Variants in VAT1L observed in about 807,000 individuals in gnomAD.
VAT1L encodes the protein vesicle amine transport 1 like.
In VAT1L, 34 loss-of-function variants were observed where a neutral mutation model predicts 44.1. The ratio of observed to expected loss-of-function variants is 0.77; its 90% CI spans 0.59 to 1.03. The LOEUF (loss-of-function observed/expected upper bound fraction) is 1.03, where lower values mean the gene tolerates loss of function less well. VAT1L is among the 50% of genes least tolerant of loss of function. The pLI is 0.00. For synonymous variants in VAT1L, 253 were observed against 202.2 expected (o/e 1.25, Z -2.13); for missense variants, 615 against 538.8 (o/e 1.14, Z -1.40).
intron 3 of VAT1L, among the ~76,000 whole-genome samples, chr16:77,833,477 G>GTGGT (rs1316267262): frequency 1.3e-5 from 2 of 152,236 alleles, no homozygotes; most frequent in African/African-American, 4.8e-5. Context: ...AGTGGGCTGG[G>GTGGT]CGTGGTGGCT....
At chr16:77,794,035 G>A (rs189413833) in intron 1 of VAT1L, among the ~76,000 whole-genome samples, 166 of 152,302 alleles carry the variant, frequency 1.1e-3, no homozygotes, top group African/African-American at 3.7e-3. Flanking sequence ...ACTGCTAAGT[G>A]GAAGAGCCAT....
At chr16:77,865,326 G>T in intron 4 of VAT1L, among the ~76,000 whole-genome samples, 1 of 152,042 alleles carries the variant, frequency 6.6e-6, no homozygotes, top group Non-Finnish European at 1.5e-5. Context: ...ATGAACTATC[G>T]TTGTCCCTTC....
At chr16:77,954,275 C>T (rs1597119231) in intron 7 of VAT1L, among the ~76,000 whole-genome samples, 1 of 152,176 alleles carries the variant, frequency 6.6e-6, no homozygotes, top group East Asian at 1.9e-4. Flanking sequence ...CTGCTGCTTT[C>T]CAGCATGCCA....
intron 1 of VAT1L, among the ~76,000 whole-genome samples, chr16:77,802,475 T>C (rs559489355): frequency 6.6e-6 from 1 of 151,940 alleles, no homozygotes; most frequent in African/African-American, 2.4e-5. Context: ...ATTAGCCAGG[T>C]GTGGTGGCAG....
intron 7 of VAT1L, among the ~76,000 whole-genome samples, chr16:77,904,892 C>G (rs1439841335): frequency 6.6e-6 from 1 of 152,118 alleles, no homozygotes; most frequent in African/African-American, 2.4e-5. Context: ...AAGCCTACTT[C>G]TCTTCATTTA....
intron 7 of VAT1L, among the ~76,000 whole-genome samples, chr16:77,890,578 G>A (rs2017254118): frequency 6.6e-6 from 1 of 152,136 alleles, no homozygotes; most frequent in Admixed American, 6.5e-5. Flanking sequence ...CCACTTCATA[G>A]TACACAGAGG....
intron 7 of VAT1L, among the ~76,000 whole-genome samples, chr16:77,926,946 T>G (rs186415702): frequency 6.6e-6 from 1 of 152,272 alleles, no homozygotes; most frequent in Non-Finnish European, 1.5e-5. Context: ...CTCCAGATTG[T>G]CAAGGACCAT....
At chr16:77,797,504 C>G (rs896412304) in intron 1 of VAT1L, among the ~76,000 whole-genome samples, 1 of 152,208 alleles carries the variant, frequency 6.6e-6, no homozygotes, top group Non-Finnish European at 1.5e-5. Flanking sequence ...CTCCCACCAG[C>G]CCCCTGCATC....
intron 7 of VAT1L, among the ~76,000 whole-genome samples, chr16:77,906,062 C>T (rs1039196682): frequency 1.3e-5 from 2 of 152,146 alleles, no homozygotes; most frequent in African/African-American, 2.4e-5. Flanking sequence ...ACTGTCCCCC[C>T]AGTAATGAGT....
At chr16:77,795,570 A>G (rs1262187016) in intron 1 of VAT1L, among the ~76,000 whole-genome samples, 2 of 152,116 alleles carry the variant, frequency 1.3e-5, no homozygotes, top group African/African-American at 2.4e-5. Flanking sequence ...ATAACCTGGG[A>G]TCAAAAGGAA....
chr16:77,896,967 C>T (rs1047845214), intron 7 of VAT1L, among the ~76,000 whole-genome samples: 3 of 152,204 alleles, frequency 2.0e-5, no homozygotes, highest in Admixed American at 1.3e-4. Context: ...TTTCCAAAGA[C>T]TGGAAAGTTT....
intron 7 of VAT1L, among the ~76,000 whole-genome samples, chr16:77,902,051 C>A (rs886983719): frequency 1.3e-5 from 2 of 152,208 alleles, no homozygotes; most frequent in Admixed American, 1.3e-4. Context: ...ATAATATAAA[C>A]ACCAGTTATT....
chr16:77,958,403 G>A (rs1240141437), intron 7 of VAT1L, among the ~76,000 whole-genome samples: 1 of 152,102 alleles, frequency 6.6e-6, no homozygotes, highest in Non-Finnish European at 1.5e-5. Context: ...CTTTCCAAGG[G>A]ACTGAGCATC....
At chr16:77,965,468 T>A (rs2018213276) in intron 7 of VAT1L, among the ~76,000 whole-genome samples, 1 of 152,174 alleles carries the variant, frequency 6.6e-6, no homozygotes, top group Admixed American at 6.5e-5. Context: ...GAGCTTAGAA[T>A]GTTGGCATCT....
intron 7 of VAT1L, among the ~76,000 whole-genome samples, chr16:77,893,570 C>G (rs1174084644): frequency 6.6e-6 from 1 of 152,206 alleles, no homozygotes; most frequent in African/African-American, 2.4e-5. Flanking sequence ...ATAATTACTA[C>G]TACGACTGCT....
intron 4 of VAT1L, among the ~76,000 whole-genome samples, chr16:77,870,195 G>A (rs1407764896): frequency 1.3e-5 from 2 of 152,162 alleles, no homozygotes; most frequent in African/African-American, 4.8e-5. Flanking sequence ...GAAGCCTACC[G>A]TAGAGTAGGC....
At chr16:77,952,808 G>C (rs2018059205) in intron 7 of VAT1L, among the ~76,000 whole-genome samples, 1 of 131,864 alleles carries the variant, frequency 7.6e-6, no homozygotes. Context: ...ACTGAGCCAA[G>C]ATGGTACCAC....
chr16:77,792,494 G>C (rs1019206638), intron 1 of VAT1L, among the ~76,000 whole-genome samples: 4 of 152,098 alleles, frequency 2.6e-5, no homozygotes, highest in Admixed American at 2.0e-4. Context: ...CAAAGATGTG[G>C]TCTTAGCTGG....
At chr16:77,961,737 C>G (rs1313523262) in intron 7 of VAT1L, among the ~76,000 whole-genome samples, 1 of 152,142 alleles carries the variant, frequency 6.6e-6, no homozygotes, top group East Asian at 1.9e-4. Context: ...GGAGAGGAAA[C>G]CAGGTCTAAT....
Sources: allele counts gnomAD v4.1 joint callset (sites outside exome capture counted in the v4.1 genomes callset), GRCh38; gene constraint gnomAD v4.1.1; transcripts MANE v1.5; gene names NCBI Gene and HGNC (gene_info 2026-07-23, HGNC 2026-07-21).